The following TRPM2 variants were observed in gnomAD, a reference collection of about 807,000 sequenced individuals.
TRPM2 encodes the protein transient receptor potential cation channel subfamily M member 2, also known as estrogen-responsive element-associated gene 1 protein.
Under a neutral mutation model 174.0 loss-of-function variants are expected in TRPM2, and 161 were observed. The ratio of observed to expected loss-of-function variants is 0.93; its 90% CI spans 0.81 to 1.05. The LOEUF (loss-of-function observed/expected upper bound fraction) is 1.05, where lower values mean the gene tolerates loss of function less well. Among genes scored for constraint, TRPM2 ranks in the 50% least tolerant of loss-of-function variants. The pLI is 0.00. For missense variants in TRPM2, 2,057 were observed against 2,038.0 expected, an observed-to-expected ratio of 1.01 and a Z score of -0.18; for synonymous variants, 954 against 861.3, an observed-to-expected ratio of 1.11 and a Z score of -1.88.
chr21:44,437,244 G>A lies in TRPM2; in HGVS notation c.4167+77G>A, dbSNP rs45487698. The stretch of plus-strand genomic sequence containing the variant: ...TCGTCCATTCATCCATTCTGCCCAC[G>A]GACTGGACACCAGCCCCCTGCAGCC... On this transcript the variant is annotated intron_variant, in intron 29 of 31. Coordinates refer to ENST00000397928, the MANE Select transcript of TRPM2 (RefSeq NM_003307.4). The A allele has an allele frequency of 8.8e-3, 12,107 of 1,377,320 alleles. 421 individuals carry two copies. The highest frequency in any genetic ancestry group is 0.078 in the African/African-American group (5,390 of 69,484). The allele number at this position is 1,377,320 out of a possible 1,614,324, so 85.3% of individuals were successfully genotyped here.
intron 2 of TRPM2, among the ~76,000 whole-genome samples, chr21:44,359,336 A>G (rs77916867): frequency 6.6e-6 from 1 of 152,116 alleles, no homozygotes; most frequent in South Asian, 2.1e-4. Flanking sequence ...TTCACCTCTC[A>G]ACATCAGGTG....
In TRPM2 at chr21:44,428,704, G is replaced by T. The variant is rs113766171; in HGVS notation, c.3974+1593G>T. Reference sequence around the variant, plus strand: ...CTCCCTGAGGTGTGGCTCCTCCCCTGAGATGTGGCTCCTCCCTGAGGTGTG... The same window carrying T: ...CTCCCTGAGGTGTGGCTCCTCCCCTTAGATGTGGCTCCTCCCTGAGGTGTG... On this transcript the variant is annotated intron_variant, in intron 27 of 31. Coordinates refer to ENST00000397928, the MANE Select transcript of TRPM2 (RefSeq NM_003307.4). Among the ~76,000 whole-genome samples the T allele has an allele frequency of 4.2e-3, 86 of 20,374 alleles. 1 individual carries two copies. The highest frequency in any genetic ancestry group is 0.01 in the East Asian group (2 of 194). The allele number at this position is 20,374 out of a possible 152,430, so 13.4% of individuals were successfully genotyped here.
Position 44,397,831 on chromosome 21 carries a change from G to A in TRPM2, c.2017G>A (p.Glu673Lys). 6.2e-7 allele frequency: 1 copy of A among 1,608,166 alleles called. No individual in the cohort carries two copies. Among genetic ancestry groups the A allele is most frequent in the Non-Finnish European group, 8.5e-7 (1 of 1,177,692 alleles). ...SKEEEDTDSSEEMLALAEEYE... is the reference protein window; with the variant it reads ...SKEEEDTDSSKEMLALAEEYE... ...GGAGGAGGAGGACACGGACAGCTCGGAGGAGATGCTGGCGCTGGCGGAGGA... is the reference window on the plus strand; with the variant it reads ...GGAGGAGGAGGACACGGACAGCTCGAAGGAGATGCTGGCGCTGGCGGAGGA... The change falls in exon 13 of 32, where the codon GAG (glutamate) becomes AAG (lysine). Residue 673 changes from glutamate (E) to lysine (K), a missense_variant. Coordinates refer to ENST00000397928, the MANE Select transcript of TRPM2 (RefSeq NM_003307.4).
intron 22 of TRPM2, among the ~76,000 whole-genome samples, chr21:44,421,968 C>T (rs926161922): frequency 2.0e-5 from 3 of 152,196 alleles, no homozygotes; most frequent in African/African-American, 7.2e-5. Context: ...GCCTGCAGAA[C>T]GTGTTTCCGC....
intron 16 of TRPM2, among the ~76,000 whole-genome samples, chr21:44,404,280 G>A (rs549286986): frequency 6.7e-6 from 1 of 149,884 alleles, no homozygotes; most frequent in African/African-American, 2.5e-5. Context: ...GCAAATGTAT[G>A]TGCATACACA....
intron 12 of TRPM2, among the ~76,000 whole-genome samples, chr21:44,396,987 G>T (rs1379226853): frequency 6.6e-6 from 1 of 151,294 alleles, no homozygotes; most frequent in Non-Finnish European, 1.5e-5. Flanking sequence ...CACTGGGAAG[G>T]ACTTGGGGCA....
intron 19 of TRPM2, among the ~76,000 whole-genome samples, chr21:44,412,474 C>A (rs45542541): frequency 1.3e-5 from 2 of 151,904 alleles, no homozygotes; most frequent in African/African-American, 4.8e-5. Context: ...GCAATTTGAG[C>A]CTTCTCTCTT....
At chr21:44,402,116 C>T (rs1386667539) in intron 16 of TRPM2, among the ~76,000 whole-genome samples, 5 of 152,250 alleles carry the variant, frequency 3.3e-5, no homozygotes, top group South Asian at 4.1e-4. Context: ...TGCTTTCCCT[C>T]GGCCCAGGCA....
intron 2 of TRPM2, among the ~76,000 whole-genome samples, chr21:44,356,423 T>TTTGGAGC (rs1271767033): frequency 1.2e-4 from 18 of 151,758 alleles, no homozygotes; most frequent in African/African-American, 3.9e-4. Context: ...CGAGAAAGTA[T>TTTGGAGC]TTGGAGCGAG....
Position 44,378,494 on chromosome 21 carries a change from C to T in TRPM2, c.1015-503C>T, listed in dbSNP as rs148077117. On this transcript the variant is annotated intron_variant, in intron 7 of 31. Coordinates refer to ENST00000397928, the MANE Select transcript of TRPM2 (RefSeq NM_003307.4). ...CTCACTCCCTATGCGTGCCGAGTAC[C>T]CTTCACGGCTCTTCTGCTGGGGCGG... Among the ~76,000 whole-genome samples, 361 of 152,272 alleles carry T rather than the reference C, an allele frequency of 2.4e-3. 3 individuals carry two copies. Among genetic ancestry groups the T allele is most frequent in the African/African-American group, 8.4e-3 (350 of 41,562 alleles).
In TRPM2 at chr21:44,439,199, T is replaced by G. The variant is rs1336223074; in HGVS notation, c.4269+31T>G. ...CCTGGCCTGTTTGCTCTGTTCCACCTGTGTGTCCCCAGGGCTGCAGGACAA... is the reference window on the plus strand; with the variant it reads ...CCTGGCCTGTTTGCTCTGTTCCACCGGTGTGTCCCCAGGGCTGCAGGACAA... On this transcript the variant is annotated intron_variant, in intron 30 of 31. Transcript: ENST00000397928. The surrounding 1 kb of genome is among the most constrained non-coding windows in gnomAD (Gnocchi z 5.1). 3 of 1,590,252 alleles carry G rather than the reference T, an allele frequency of 1.9e-6. No individual in the cohort carries two copies. The highest frequency in any genetic ancestry group is 2.6e-6 in the Non-Finnish European group (3 of 1,159,604).
chr21:44,378,012 C>T (rs925738053), intron 7 of TRPM2, among the ~76,000 whole-genome samples: 1 of 152,156 alleles, frequency 6.6e-6, no homozygotes, highest in Non-Finnish European at 1.5e-5. Flanking sequence ...GGGCCATTGA[C>T]CGGCGTGGAA....
chr21:44,365,559 T>G (rs958231986), intron 3 of TRPM2, among the ~76,000 whole-genome samples: 6 of 152,148 alleles, frequency 3.9e-5, no homozygotes, highest in Non-Finnish European at 8.8e-5. Flanking sequence ...GATGAGGGAT[T>G]GAGGTATGGG....
In TRPM2 at chr21:44,366,855, G is replaced by A; in HGVS notation, c.525G>A (p.Gly175=). Residue 175 remains glycine, a synonymous_variant, in exon 4 of 32, where the codon GGG becomes GGA. Coordinates refer to ENST00000397928, the MANE Select transcript of TRPM2 (RefSeq NM_003307.4). This position sits in a 1 kb window ranked among gnomAD's most constrained non-coding sequence, Gnocchi z 6.0. ...DVPNLLISVT[G]GAKNFNMKPR... is the part of the protein sequence containing the mutation. ...CCAATCTCTTGATCTCGGTGACCGGGGGGGCCAAGAACTTCAACATGAAGC... is the reference window on the plus strand; with the variant it reads ...CCAATCTCTTGATCTCGGTGACCGGAGGGGCCAAGAACTTCAACATGAAGC... 2 of 1,613,756 alleles carry A rather than the reference G, an allele frequency of 1.2e-6. No homozygotes were observed. Among genetic ancestry groups the A allele is most frequent in the Non-Finnish European group, 1.7e-6 (2 of 1,179,860 alleles).
chr21:44,429,624 A>G (rs909121930), intron 27 of TRPM2, among the ~76,000 whole-genome samples: 4 of 152,150 alleles, frequency 2.6e-5, no homozygotes, highest in African/African-American at 9.7e-5. Flanking sequence ...TTAAAAATAT[A>G]TATAGGGGCA....
In TRPM2 at chr21:44,379,028, C is replaced by T. The variant is rs369040209; in HGVS notation, c.1046C>T (p.Pro349Leu). Residue 349 changes from proline (P) to leucine (L), a missense_variant, in exon 8 of 32, where the codon CCC becomes CTC. By Grantham distance (98) the Pro-to-Leu change is moderately conservative. Transcript: ENST00000397928. ...TIDNATTNGT[P>L]CVVVEGSGRV... ...GACAACGCCACCACCAACGGCACCC[C>T]CTGTGTGGTTGTGGAGGGCTCGGGC... The T allele has an allele frequency of 5.0e-6, 8 of 1,609,362 alleles. No homozygotes were observed. Among genetic ancestry groups the T allele is most frequent in the Non-Finnish European group, 6.8e-6 (8 of 1,180,004 alleles).
intron 2 of TRPM2, among the ~76,000 whole-genome samples, chr21:44,356,392 G>T (rs1043380558): frequency 2.0e-5 from 3 of 151,572 alleles, no homozygotes; most frequent in African/African-American, 7.3e-5. Flanking sequence ...AGACCCCAAG[G>T]GCGGGTTCTT....
At chr21:44,434,582 C>T (rs1569117297) in intron 27 of TRPM2, among the ~76,000 whole-genome samples, 2 of 152,144 alleles carry the variant, frequency 1.3e-5, no homozygotes, top group Admixed American at 1.3e-4. Flanking sequence ...CATATAGGAC[C>T]TGGTGGTGTC....
At chr21:44,441,665 G>T in intron 31 of TRPM2, 27 bp from the exon 32 acceptor site, 1 of 1,591,864 alleles carries the variant, frequency 6.3e-7, no homozygotes. Context: ...CTGGCGGGGA[G>T]GGTCAGCTGT....
Sources: gnomAD v4.1 joint callset for allele counts (sites outside exome capture counted in the v4.1 genomes callset) on GRCh38, gnomAD v4.1.1 for gene constraint, Gnocchi (gnomAD v3.1) non-coding constraint, MANE v1.5 for transcripts, NCBI Gene and HGNC (gene_info 2026-07-23, HGNC 2026-07-21) for gene names.